The following NELL1 variants were observed in gnomAD, a reference collection of about 807,000 sequenced individuals.
NELL1 encodes the protein protein kinase C-binding protein NELL1.
A neutral mutation model predicts 107.4 loss-of-function variants in NELL1; 76 were observed. That is an observed-to-expected ratio of 0.71 (90% confidence interval 0.59 to 0.86). NELL1 has a LOEUF of 0.86. Among genes scored for constraint, NELL1 ranks in the 40% least tolerant of loss-of-function variants. NELL1 has a pLI of 0.00. For missense variants in NELL1, 1,024 were observed against 1,005.5 expected, an observed-to-expected ratio of 1.02 and a Z score of -0.25; for synonymous variants, 353 against 341.2, an observed-to-expected ratio of 1.03 and a Z score of -0.38.
chr11:21,079,602 A>T (rs1195744845), intron 12 of NELL1, among the ~76,000 whole-genome samples: 1 of 152,112 alleles, frequency 6.6e-6, no homozygotes, highest in Non-Finnish European at 1.5e-5. Context: ...CTAGTAAAGT[A>T]AACCTCCTAA....
chr11:21,316,863 G>A (rs1397738693), intron 14 of NELL1, among the ~76,000 whole-genome samples: 1 of 152,104 alleles, frequency 6.6e-6, no homozygotes, highest in African/African-American at 2.4e-5. Context: ...GGCAGGGAAA[G>A]GGGTGGGCCT....
intron 15 of NELL1, among the ~76,000 whole-genome samples, chr11:21,444,843 C>G (rs528434926): frequency 6.6e-6 from 1 of 151,980 alleles, no homozygotes; most frequent in African/African-American, 2.4e-5. Flanking sequence ...TTATCTGTAC[C>G]TTTTCCCTCC....
chr11:21,545,314 C>T (rs911844272), intron 16 of NELL1, among the ~76,000 whole-genome samples: 1 of 151,838 alleles, frequency 6.6e-6, no homozygotes, highest in Non-Finnish European at 1.5e-5. Context: ...TCCCAGAAGC[C>T]TTTGGGGATA....
chr11:21,056,632 G>A (rs1199435469), intron 12 of NELL1, among the ~76,000 whole-genome samples: 1 of 152,118 alleles, frequency 6.6e-6, no homozygotes, highest in Non-Finnish European at 1.5e-5. Flanking sequence ...TGGACAGAAA[G>A]CTTATTCTTT....
At chr11:21,385,869 A>G (rs998427069) in intron 15 of NELL1, among the ~76,000 whole-genome samples, 1 of 151,796 alleles carries the variant, frequency 6.6e-6, no homozygotes, top group Non-Finnish European at 1.5e-5. Context: ...GCCTCTGTCC[A>G]TGGTATTGCT....
chr11:21,260,444 G>T (rs1848506256), intron 14 of NELL1: 1 of 151,906 alleles, frequency 6.6e-6, no homozygotes, highest in African/African-American at 2.4e-5. Flanking sequence ...TGGCTCTTCA[G>T]TGGCTTAGAG....
chr11:21,237,834 T>A (rs1858249176), intron 14 of NELL1, among the ~76,000 whole-genome samples: 1 of 152,134 alleles, frequency 6.6e-6, no homozygotes, highest in Non-Finnish European at 1.5e-5. Flanking sequence ...GATGGATTCT[T>A]CTTTATAGTC....
chr11:20,743,358 A>G (rs556333490), intron 2 of NELL1, among the ~76,000 whole-genome samples: 1 of 152,240 alleles, frequency 6.6e-6, no homozygotes, highest in Non-Finnish European at 1.5e-5. Flanking sequence ...GTCTTAAAAA[A>G]AAAAATCCAG....
intron 14 of NELL1, among the ~76,000 whole-genome samples, chr11:21,368,446 C>T (rs559124743): frequency 3.3e-5 from 5 of 151,492 alleles, no homozygotes; most frequent in African/African-American, 1.2e-4. Context: ...TTGTGAACAC[C>T]GGATTGTAGA....
At chr11:21,488,596 C>A (rs944166446) in intron 15 of NELL1, among the ~76,000 whole-genome samples, 3 of 151,844 alleles carry the variant, frequency 2.0e-5, no homozygotes, top group Non-Finnish European at 4.4e-5. Flanking sequence ...AGTCAGCAGA[C>A]CACAGTGGAA....
rs80344018 is a variant in NELL1, at chr11:21,575,092, C to T, written c.*70C>T. 0.021 allele frequency: 28,899 copies of T among 1,347,840 alleles called. 851 individuals carry two copies. The highest frequency in any genetic ancestry group is 0.11 in the African/African-American group (7,332 of 69,078). The allele number at this position is 1,347,840 out of a possible 1,614,324, so 83.5% of individuals were successfully genotyped here. ...ATCCAACGTGATTAAGGATAGGAATCGGTAGTTTGGTTTTTTTGTTTGTTT... is the reference window on the plus strand; with the variant it reads ...ATCCAACGTGATTAAGGATAGGAATTGGTAGTTTGGTTTTTTTGTTTGTTT... On this transcript the variant is annotated 3_prime_UTR_variant, in exon 20 of 20. Coordinates refer to ENST00000357134, the MANE Select transcript of NELL1 (RefSeq NM_006157.5).
At chr11:21,450,279 T>C (rs1357764927) in intron 15 of NELL1, among the ~76,000 whole-genome samples, 2 of 152,220 alleles carry the variant, frequency 1.3e-5, no homozygotes, top group African/African-American at 2.4e-5. Context: ...AATGTCATTG[T>C]AATCACTCTG....
At position 21,278,175 on chromosome 11, in the gene NELL1, C is replaced by T. The variant is rs148142066; in HGVS notation, c.1549+48721C>T. 4.6e-3 allele frequency among the ~76,000 whole-genome samples: 704 copies of T among 152,272 alleles called. 6 individuals are homozygous for T. Among genetic ancestry groups the T allele is most frequent in the African/African-American group, 0.016 (674 of 41,554 alleles). On this transcript the variant is annotated intron_variant, in intron 14 of 19. Coordinates refer to ENST00000357134, the MANE Select transcript of NELL1 (RefSeq NM_006157.5). The stretch of plus-strand genomic sequence containing the variant: ...ATAAAGAACATATACAAAAACCCTA[C>T]AGCAATGTCACACAATAATGAGAAA...
chr11:21,229,411 C>T lies in NELL1; in HGVS notation c.1506C>T (p.Cys502=), dbSNP rs1196944551. 5 of 1,614,034 alleles carry T rather than the reference C, an allele frequency of 3.1e-6. No individual in the cohort carries two copies. The Admixed American group carries it at 5.0e-5, about 16-fold the overall frequency. Residue 502 remains cysteine, a synonymous_variant, in exon 14 of 20, where the codon TGC becomes TGT. Coordinates refer to ENST00000357134, the MANE Select transcript of NELL1 (RefSeq NM_006157.5). Reference sequence around the variant, plus strand: ...CCAACACTGTCCAGGGACACAGCTGCACCTGCAAACCGGGCTACGTGGGGA... The same window carrying T: ...CCAACACTGTCCAGGGACACAGCTGTACCTGCAAACCGGGCTACGTGGGGA... ...ICTNTVQGHS[C]TCKPGYVGNG...
intron 14 of NELL1, among the ~76,000 whole-genome samples, chr11:21,243,252 T>C (rs1858408576): frequency 1.3e-5 from 2 of 152,170 alleles, no homozygotes; most frequent in South Asian, 4.1e-4. Context: ...TTCTTGTAGG[T>C]AGAATATTAA....
At chr11:21,226,037 C>T (rs1468353446) in intron 13 of NELL1, among the ~76,000 whole-genome samples, 3 of 152,140 alleles carry the variant, frequency 2.0e-5, no homozygotes, top group Admixed American at 6.5e-5. Flanking sequence ...CTATGCCAGT[C>T]CGTCTTTCGC....
intron 2 of NELL1, among the ~76,000 whole-genome samples, chr11:20,707,314 CT>C (rs1235150012): frequency 6.6e-6 from 1 of 152,096 alleles, no homozygotes; most frequent in Non-Finnish European, 1.5e-5. Flanking sequence ...GAACTTCCTC[CT>C]TTAGCTCAGA....
At chr11:21,392,334 A>G (rs536474397) in intron 15 of NELL1, among the ~76,000 whole-genome samples, 1 of 151,908 alleles carries the variant, frequency 6.6e-6, no homozygotes, top group East Asian at 2.0e-4. Flanking sequence ...GATGCCACCA[A>G]TTACTGAGTC....
chr11:21,021,165 C>T (rs1334700960), intron 12 of NELL1, among the ~76,000 whole-genome samples: 1 of 150,810 alleles, frequency 6.6e-6, no homozygotes, highest in Non-Finnish European at 1.5e-5. Flanking sequence ...CTATATTTGC[C>T]TTAAGAGTTG....
Sources: gnomAD v4.1 joint callset for allele counts (sites outside exome capture counted in the v4.1 genomes callset) on GRCh38, gnomAD v4.1.1 for gene constraint, MANE v1.5 for transcripts, NCBI Gene and HGNC (gene_info 2026-07-23, HGNC 2026-07-21) for gene names.